Variants in CFAP20DC observed in about 807,000 individuals in gnomAD.
CFAP20DC encodes the protein protein CFAP20DC.
Under a neutral mutation model 101.7 loss-of-function variants are expected in CFAP20DC, and 84 were observed. The ratio of observed to expected loss-of-function variants is 0.83; its 90% CI spans 0.69 to 0.99. CFAP20DC has a LOEUF of 0.99. Among genes scored for constraint, CFAP20DC ranks in the 50% least tolerant of loss-of-function variants. CFAP20DC has a pLI of 0.00. For missense variants in CFAP20DC, 1,007 were observed against 970.3 expected, an observed-to-expected ratio of 1.04 and a Z score of -0.50; for synonymous variants, 359 against 351.2, an observed-to-expected ratio of 1.02 and a Z score of -0.25.
chr3:58,866,472 G>A, intron 11 of CFAP20DC, 94 bp downstream of exon 11: 3 of 1,026,016 alleles, frequency 2.9e-6, no homozygotes, highest in Non-Finnish European at 4.2e-6. Flanking sequence ...CAAATCGGCT[G>A]CATCACCACT....
intron 14 of CFAP20DC, among the ~76,000 whole-genome samples, 194 bp from the exon 15 acceptor site, chr3:58,806,650 G>A (rs764770212): frequency 6.6e-6 from 1 of 152,200 alleles, no homozygotes; most frequent in Non-Finnish European, 1.5e-5. Context: ...TGCAGAAGAC[G>A]GGTGATTTCT....
At chr3:58,784,609 A>G (rs774329457) in intron 15 of CFAP20DC, among the ~76,000 whole-genome samples, 3 of 152,104 alleles carry the variant, frequency 2.0e-5, no homozygotes, top group Non-Finnish European at 4.4e-5. Context: ...GCTATTGTGA[A>G]TAGTGCTGTG....
At chr3:58,765,490 C>CAAAAAAAAA (rs1337049385) in intron 15 of CFAP20DC, among the ~76,000 whole-genome samples, 5 of 81,824 alleles carry the variant, frequency 6.1e-5, no homozygotes, top group Non-Finnish European at 1.3e-4. Context: ...AAAAAAAAAC[C>CAAAAAAAAA]AAAAAAAAAA....
At chr3:58,888,109 T>TTGTATTTTTAGC (rs1246709471) in intron 6 of CFAP20DC, among the ~76,000 whole-genome samples, 1 of 152,218 alleles carries the variant, frequency 6.6e-6, no homozygotes, top group African/African-American at 2.4e-5. Context: ...TACTAAGTCA[T>TTGTATTTTTAGC]TGTATTTTTA....
chr3:58,924,175 C>T (rs1160191266), intron 5 of CFAP20DC, among the ~76,000 whole-genome samples: 2 of 152,112 alleles, frequency 1.3e-5, no homozygotes, highest in Non-Finnish European at 2.9e-5. Context: ...GTGTGCCCAT[C>T]ACCTAAATAG....
chr3:58,866,813 A>G (rs2079733972), intron 10 of CFAP20DC, 125 bp from the exon 11 acceptor site: 1 of 572,970 alleles, frequency 1.7e-6, no homozygotes, highest in Non-Finnish European at 2.9e-6. Context: ...TAGAGGTAAC[A>G]ATATGAATTA....
rs1327843020 is a variant in CFAP20DC at position 58,874,833 on chromosome 3, C to T, written c.716-4524G>A. Among the ~76,000 whole-genome samples, 1 of 152,138 alleles carries T rather than the reference C, an allele frequency of 6.6e-6. No individual in the cohort carries two copies. Among genetic ancestry groups the T allele is most frequent in the Non-Finnish European group, 1.5e-5 (1 of 68,022 alleles). ...GCTTCAGTAGACATAAACTCAGTGG[C>T]CTGCTTCTGTCACCCTGAACTGCCA... On this transcript the variant is annotated intron_variant, in intron 7 of 16. Coordinates refer to ENST00000482387, the MANE Select transcript of CFAP20DC (RefSeq NM_001394063.1). This position sits in a 1 kb window ranked among gnomAD's most constrained non-coding sequence, Gnocchi z 5.1.
Position 59,049,888 on chromosome 3 carries a change from G to A in CFAP20DC, c.-257C>T. 1 of 565,076 alleles carries A rather than the reference G, an allele frequency of 1.8e-6. No individual in the cohort carries two copies. Among genetic ancestry groups the A allele is most frequent in the Non-Finnish European group, 3.1e-6 (1 of 318,166 alleles). 35.0% of individuals were successfully genotyped at this position (565,076 alleles called of 1,614,324 possible). A position where few individuals can be genotyped will look rare whatever the true frequency, so the allele number is the denominator to read the frequency against. Reference sequence around the variant, plus strand: ...GGTCTGGGGAGGGCGCAGCTGCCTGGACGGACTCCGGGCCGTCCCTGGGGA... The same window carrying A: ...GGTCTGGGGAGGGCGCAGCTGCCTGAACGGACTCCGGGCCGTCCCTGGGGA... On this transcript the variant is annotated 5_prime_UTR_variant, in exon 1 of 17. Transcript: ENST00000482387.
At chr3:58,994,729 A>C (rs1169134279) in intron 4 of CFAP20DC, among the ~76,000 whole-genome samples, 1 of 152,162 alleles carries the variant, frequency 6.6e-6, no homozygotes, top group Non-Finnish European at 1.5e-5. Context: ...GATATCCATA[A>C]ATCTTTCAAA....
chr3:59,048,814 A>T (rs943826677), intron 1 of CFAP20DC, among the ~76,000 whole-genome samples: 6 of 152,208 alleles, frequency 3.9e-5, no homozygotes, highest in African/African-American at 1.4e-4. Flanking sequence ...CAGACTGTAA[A>T]CAAGGAGTGT....
chr3:58,822,242 A>G (rs1169610129), intron 14 of CFAP20DC, among the ~76,000 whole-genome samples: 1 of 151,174 alleles, frequency 6.6e-6, no homozygotes, highest in South Asian at 2.1e-4. Flanking sequence ...ACATGTATAC[A>G]TATGTAACTA....
At position 58,807,633 on chromosome 3, in the gene CFAP20DC, A is replaced by G. The variant is rs544441329; in HGVS notation, c.2176-1177T>C. The stretch of plus-strand genomic sequence containing the variant: ...AGATGGGGAAAAAACAGAGCACAAA[A>G]ACTGGAAACTCTAAAAAGCAGAGCG... On this transcript the variant is annotated intron_variant, in intron 14 of 16. Transcript: ENST00000482387. Among the ~76,000 whole-genome samples the G allele has an allele frequency of 9.2e-5, 14 of 152,314 alleles. No individual in the cohort carries two copies. The South Asian group carries it at 1.0e-3, about 11-fold the overall frequency.
intron 4 of CFAP20DC, among the ~76,000 whole-genome samples, chr3:59,011,371 C>T (rs1398935667): frequency 1.3e-5 from 2 of 149,388 alleles, no homozygotes; most frequent in African/African-American, 2.5e-5. Context: ...ACACTCCAGC[C>T]TGGGTGACAG....
chr3:58,817,035 C>T (rs898611643), intron 14 of CFAP20DC, among the ~76,000 whole-genome samples: 12 of 152,114 alleles, frequency 7.9e-5, no homozygotes, highest in Non-Finnish European at 1.6e-4. Context: ...AGCACACTGA[C>T]ACCTCACACG....
intron 14 of CFAP20DC, among the ~76,000 whole-genome samples, chr3:58,809,459 A>G (rs1487854272): frequency 1.3e-5 from 2 of 152,160 alleles, no homozygotes; most frequent in Non-Finnish European, 2.9e-5. Context: ...ACTACTGGGT[A>G]CATAACGAAA....
chr3:58,751,445 C>T (rs1017907166), intron 16 of CFAP20DC, among the ~76,000 whole-genome samples: 1 of 152,114 alleles, frequency 6.6e-6, no homozygotes, highest in Admixed American at 6.6e-5. Context: ...CTCCCTTGGC[C>T]TTGCCTTAGA....
intron 14 of CFAP20DC, among the ~76,000 whole-genome samples, chr3:58,816,616 C>G (rs1051437423): frequency 6.9e-6 from 1 of 144,868 alleles, no homozygotes; most frequent in Admixed American, 6.7e-5. Context: ...GAGATTATAT[C>G]CCACACCTGG....
In CFAP20DC at chr3:58,913,929, T is replaced by C; in HGVS notation, c.394-65A>G. Reference sequence around the variant, plus strand: ...TCAACACATAAATGAACAAACCATCTATATGTAGACATTCAAAGAGTTGAG... The same window carrying C: ...TCAACACATAAATGAACAAACCATCCATATGTAGACATTCAAAGAGTTGAG... On this transcript the variant is annotated intron_variant, in intron 5 of 16. Transcript: ENST00000482387. This position sits in a 1 kb window ranked among gnomAD's most constrained non-coding sequence, Gnocchi z 4.4. 6.5e-7 allele frequency: 1 copy of C among 1,536,142 alleles called. No homozygotes were observed.
chr3:58,864,883 T>G lies in CFAP20DC; in HGVS notation c.1259-991A>C, dbSNP rs1325377679. On this transcript the variant is annotated intron_variant, in intron 11 of 16. Coordinates refer to ENST00000482387, the MANE Select transcript of CFAP20DC (RefSeq NM_001394063.1). This position sits in a 1 kb window ranked among gnomAD's most constrained non-coding sequence, Gnocchi z 4.7. ...ACCTTTTAGCACATTATTGTTTTCT[T>G]TAAAATACCATACACTACAGGGAAA... Among the ~76,000 whole-genome samples the G allele has an allele frequency of 2.0e-5, 3 of 152,216 alleles. No individual in the cohort carries two copies. Among genetic ancestry groups the G allele is most frequent in the Non-Finnish European group, 2.9e-5 (2 of 68,042 alleles).
Sources: allele counts gnomAD v4.1 joint callset (sites outside exome capture counted in the v4.1 genomes callset), GRCh38; gene constraint gnomAD v4.1.1; non-coding constraint Gnocchi (gnomAD v3.1); transcripts MANE v1.5; gene names NCBI Gene and HGNC (gene_info 2026-07-23, HGNC 2026-07-21).